The following EDIL3 variants were observed in gnomAD, a reference collection of about 807,000 sequenced individuals.
EDIL3 encodes the protein EGF like and discoidin domains 3, also known as EGF-like repeat and discoidin I-like domain-containing protein 3.
EDIL3 carries 37 observed loss-of-function variants against 67.4 expected under a neutral mutation model. The observed-to-expected ratio is 0.55, with a 90% CI of 0.42 to 0.72. The LOEUF (loss-of-function observed/expected upper bound fraction) is 0.72. Ranked by LOEUF, EDIL3 falls within the 30% of genes least tolerant of loss-of-function variation. EDIL3 has a pLI of 0.00. For missense variants in EDIL3, 527 were observed against 586.3 expected (o/e 0.90, Z 1.04); for synonymous variants, 195 against 196.3 (o/e 0.99, Z 0.05).
intron 4 of EDIL3, among the ~76,000 whole-genome samples, chr5:84,156,508 A>G (rs746491609): frequency 1.9e-4 from 29 of 152,198 alleles, no homozygotes; most frequent in Non-Finnish European, 3.4e-4. Flanking sequence ...CTTTTAGTCT[A>G]TTACAAACTT....
At chr5:84,301,289 AAAG>A (rs1354831280) in intron 1 of EDIL3, among the ~76,000 whole-genome samples, 1 of 151,864 alleles carries the variant, frequency 6.6e-6, no homozygotes, top group Non-Finnish European at 1.5e-5. Context: ...GAAAAAAAAA[AAAG>A]AAAGAAATGT....
chr5:84,359,815 G>A (rs1179316401), intron 1 of EDIL3, among the ~76,000 whole-genome samples: 1 of 152,000 alleles, frequency 6.6e-6, no homozygotes, highest in East Asian at 1.9e-4. Context: ...CAGTCTATGG[G>A]GCAGGTGTAG....
At chr5:84,169,949 A>G (rs77838567) in intron 4 of EDIL3, among the ~76,000 whole-genome samples, 238 of 152,234 alleles carry the variant, frequency 1.6e-3, no homozygotes, top group African/African-American at 5.4e-3. Context: ...CCTGTGTCAC[A>G]TTTTCATCAT....
intron 1 of EDIL3, among the ~76,000 whole-genome samples, chr5:84,315,866 T>C (rs1245271424): frequency 2.0e-5 from 3 of 151,958 alleles, no homozygotes; most frequent in African/African-American, 7.3e-5. Flanking sequence ...GAGAGAAAGG[T>C]CAAGTTACCC....
intron 9 of EDIL3, among the ~76,000 whole-genome samples, chr5:84,059,343 C>T (rs951314957): frequency 6.6e-6 from 1 of 152,128 alleles, no homozygotes; most frequent in Non-Finnish European, 1.5e-5. Context: ...TTTAAGGCAA[C>T]AGTGAGCTAT....
intron 1 of EDIL3, among the ~76,000 whole-genome samples, chr5:84,374,647 C>G (rs548489722): frequency 4.6e-5 from 7 of 152,200 alleles, no homozygotes; most frequent in South Asian, 4.2e-4. Flanking sequence ...AAATATTATC[C>G]CAAATTGCAA....
intron 1 of EDIL3, among the ~76,000 whole-genome samples, chr5:84,291,506 T>C (rs1480921383): frequency 6.6e-6 from 1 of 151,708 alleles, no homozygotes; most frequent in Non-Finnish European, 1.5e-5. Flanking sequence ...GCCAAAACAT[T>C]TAACTTAAAG....
intron 9 of EDIL3, among the ~76,000 whole-genome samples, chr5:84,059,540 A>G (rs995108077): frequency 6.6e-6 from 1 of 152,186 alleles, no homozygotes; most frequent in Non-Finnish European, 1.5e-5. Flanking sequence ...AATTGTTTTC[A>G]TGATTTCTGG....
chr5:84,350,583 T>C (rs756188860), intron 1 of EDIL3, among the ~76,000 whole-genome samples: 3 of 152,090 alleles, frequency 2.0e-5, no homozygotes, highest in Admixed American at 6.6e-5. Context: ...AGTCTTAAAA[T>C]AACAAAAAGA....
intron 9 of EDIL3, among the ~76,000 whole-genome samples, chr5:84,034,008 G>A (rs983248611): frequency 5.9e-5 from 9 of 152,142 alleles, no homozygotes; most frequent in South Asian, 2.1e-4. Flanking sequence ...GAGCTCACAG[G>A]AAAAACTCCA....
rs540263933 is a variant in EDIL3, at chr5:84,097,283, G to GA, written c.651+9365dup. Among the ~76,000 whole-genome samples the GA allele has an allele frequency of 1.9e-4, 29 of 152,148 alleles. No individual in the cohort carries two copies. In the South Asian group the frequency reaches 6.0e-3, roughly 32 times the overall value. The stretch of plus-strand genomic sequence containing the variant: ...TTCTCAGTGATAAAATACTAGAACT[G>GA]AAAAAACAACTGGTGAATTAACTTT... On this transcript the variant is annotated intron_variant, in intron 6 of 10. Coordinates refer to ENST00000296591, the MANE Select transcript of EDIL3 (RefSeq NM_005711.5).
At chr5:84,020,840 A>C (rs1355622439) in intron 9 of EDIL3, among the ~76,000 whole-genome samples, 1 of 152,146 alleles carries the variant, frequency 6.6e-6, no homozygotes. Flanking sequence ...AAAGTAACTT[A>C]CTAAAGAATC....
chr5:84,076,612 C>T lies in EDIL3; in HGVS notation c.652-10006G>A, dbSNP rs143836364. 7.4e-4 allele frequency among the ~76,000 whole-genome samples: 112 copies of T among 152,218 alleles called. 2 individuals are homozygous for T. Among genetic ancestry groups the T allele is most frequent in the African/African-American group, 2.7e-3 (112 of 41,526 alleles). ...AAAAACTTGCACTGATTAATATCAC[C>T]ACCAATTTCATCAGAAAAGTTTTTA... On this transcript the variant is annotated intron_variant, in intron 6 of 10. Coordinates refer to ENST00000296591, the MANE Select transcript of EDIL3 (RefSeq NM_005711.5).
chr5:83,943,260 G>T lies in EDIL3; in HGVS notation c.*159C>A. 1.2e-6 allele frequency: 1 copy of T among 845,644 alleles called. No homozygotes were observed. Among genetic ancestry groups the T allele is most frequent in the Non-Finnish European group, 1.8e-6 (1 of 557,360 alleles). The allele number at this position is 845,644 out of a possible 1,614,324, so 52.4% of individuals were successfully genotyped here. A position where few individuals can be genotyped will look rare whatever the true frequency, so the allele number is the denominator to read the frequency against. On this transcript the variant is annotated 3_prime_UTR_variant, in exon 11 of 11. Coordinates refer to ENST00000296591, the MANE Select transcript of EDIL3 (RefSeq NM_005711.5). Reference sequence around the variant, plus strand: ...TTAAATCATTGAAAAGGCAGGCTTAGACCCCCTTAAAAACACCGTTAGTTG... The same window carrying T: ...TTAAATCATTGAAAAGGCAGGCTTATACCCCCTTAAAAACACCGTTAGTTG...
At chr5:84,370,477 A>G (rs886092540) in intron 1 of EDIL3, among the ~76,000 whole-genome samples, 2 of 152,204 alleles carry the variant, frequency 1.3e-5, no homozygotes, top group African/African-American at 4.8e-5. Context: ...CACTGCGGCA[A>G]TTAGTAGATC....
At chr5:84,132,372 A>ATT (rs1561440549) in intron 5 of EDIL3, among the ~76,000 whole-genome samples, 3 of 26,770 alleles carry the variant, frequency 1.1e-4, no homozygotes, top group South Asian at 1.8e-3. Flanking sequence ...TATTATATAT[A>ATT]TTATATATAA....
chr5:84,197,830 G>A (rs1323271222), intron 3 of EDIL3, among the ~76,000 whole-genome samples: 1 of 151,992 alleles, frequency 6.6e-6, no homozygotes, highest in Non-Finnish European at 1.5e-5. Flanking sequence ...AGATTAAGAA[G>A]TTACACTTTA....
chr5:83,961,290 C>T (rs770084088), intron 10 of EDIL3, among the ~76,000 whole-genome samples: 1 of 150,958 alleles, frequency 6.6e-6, no homozygotes, highest in Non-Finnish European at 1.5e-5. Flanking sequence ...TTCCACATTC[C>T]TTTCTCAGTA....
chr5:83,994,132 A>T (rs947453258), intron 9 of EDIL3, among the ~76,000 whole-genome samples: 3 of 152,154 alleles, frequency 2.0e-5, no homozygotes, highest in African/African-American at 7.2e-5. Flanking sequence ...TTGTGTACAT[A>T]GGCATTTTAC....
Sources: gnomAD v4.1 joint callset for allele counts (sites outside exome capture counted in the v4.1 genomes callset) on GRCh38, gnomAD v4.1.1 for gene constraint, MANE v1.5 for transcripts, NCBI Gene and HGNC (gene_info 2026-07-23, HGNC 2026-07-21) for gene names.